LIN7A: variants seen among roughly 807,000 people sequenced by gnomAD.
The protein encoded by LIN7A is protein lin-7 homolog A.
A neutral mutation model predicts 29.8 loss-of-function variants in LIN7A; 25 were observed. That is an observed-to-expected ratio of 0.84 (90% CI 0.61 to 1.17). The LOEUF (loss-of-function observed/expected upper bound fraction) is 1.17. Among genes scored for constraint, LIN7A ranks in the 50% most tolerant of loss-of-function variants. The pLI, the probability that LIN7A is intolerant of heterozygous loss-of-function variation, is 0.00. For missense variants in LIN7A, 239 were observed against 287.0 expected, an observed-to-expected ratio of 0.83 and a Z score of 1.21; for synonymous variants, 118 against 107.5, an observed-to-expected ratio of 1.10 and a Z score of -0.60.
At chr12:80,860,212 T>A (rs1405697132) in intron 2 of LIN7A, among the ~76,000 whole-genome samples, 2 of 152,166 alleles carry the variant, frequency 1.3e-5, no homozygotes, top group Non-Finnish European at 2.9e-5. Flanking sequence ...ACCCCTTTGG[T>A]AGAGTTTTGG....
intron 1 of LIN7A, among the ~76,000 whole-genome samples, chr12:80,908,976 T>C (rs1444205152): frequency 6.6e-6 from 1 of 152,158 alleles, no homozygotes; most frequent in Non-Finnish European, 1.5e-5. Flanking sequence ...AGACTAATAC[T>C]TTTTAATTTA....
chr12:80,897,947 CT>C (rs1156992832), intron 1 of LIN7A, among the ~76,000 whole-genome samples: 1 of 152,060 alleles, frequency 6.6e-6, no homozygotes, highest in African/African-American at 2.4e-5. Flanking sequence ...TTGATAGTTT[CT>C]TTTGCTGTGC....
intron 2 of LIN7A, 97 bp from the exon 3 acceptor site, chr12:80,848,419 A>C: frequency 1.1e-6 from 1 of 892,782 alleles, no homozygotes; most frequent in Non-Finnish European, 1.8e-6. Flanking sequence ...GTAGGAAAAA[A>C]ATTCTCTATT....
Position 80,796,678 on chromosome 12 carries a change from T to C in LIN7A, c.*1049A>G, listed in dbSNP as rs1870463932. ...TATTTGGGGAAATTGACCTAAACTT[T>C]GTGTGACACAAATATTTGAATATAT... On this transcript the variant is annotated 3_prime_UTR_variant, in exon 6 of 6. Coordinates refer to ENST00000552864, the MANE Select transcript of LIN7A (RefSeq NM_004664.4). 6.6e-6 allele frequency: 1 copy of C among 152,186 alleles called. No homozygotes were observed. The highest frequency in any genetic ancestry group is 2.4e-5 in the African/African-American group (1 of 41,460). 9.4% of individuals were successfully genotyped at this position (152,186 alleles called of 1,614,324 possible).
intron 4 of LIN7A, among the ~76,000 whole-genome samples, chr12:80,817,036 G>A (rs935378069): frequency 2.0e-5 from 3 of 152,172 alleles, no homozygotes; most frequent in African/African-American, 7.2e-5. Flanking sequence ...GCAAAGTGCT[G>A]GGTTTACAGG....
At chr12:80,905,999 G>A (rs1443632604) in intron 1 of LIN7A, among the ~76,000 whole-genome samples, 2 of 152,010 alleles carry the variant, frequency 1.3e-5, no homozygotes, top group African/African-American at 2.4e-5. Context: ...TCATAAAGAT[G>A]GGAAGTCCTC....
chr12:80,934,459 T>C lies in LIN7A; in HGVS notation c.82+3182A>G, dbSNP rs112815143. The stretch of plus-strand genomic sequence containing the variant: ...AATCTGTAATCACCTTGTTCATCCT[T>C]TTGGGGCCCAGCCTAGACCTTGAAA... On this transcript the variant is annotated intron_variant, in intron 1 of 5. Coordinates refer to ENST00000552864, the MANE Select transcript of LIN7A (RefSeq NM_004664.4). 2.1e-3 allele frequency among the ~76,000 whole-genome samples: 325 copies of C among 152,270 alleles called. 2 individuals carry two copies. Among genetic ancestry groups the C allele is most frequent in the Middle Eastern group, 3.4e-3 (1 of 294 alleles).
At chr12:80,899,025 A>G (rs1366739750) in intron 1 of LIN7A, among the ~76,000 whole-genome samples, 2 of 152,150 alleles carry the variant, frequency 1.3e-5, no homozygotes, top group African/African-American at 2.4e-5. Flanking sequence ...TATGTCGAGT[A>G]GGAGTGGTGA....
intron 1 of LIN7A, among the ~76,000 whole-genome samples, chr12:80,889,966 A>G (rs951337389): frequency 3.3e-5 from 5 of 151,988 alleles, no homozygotes; most frequent in African/African-American, 7.3e-5. Context: ...CCTCTGTCCA[A>G]TTGGAATTGT....
chr12:80,876,148 T>C (rs1874691045), intron 2 of LIN7A, among the ~76,000 whole-genome samples: 1 of 151,690 alleles, frequency 6.6e-6, no homozygotes, highest in African/African-American at 2.4e-5. Flanking sequence ...AATTGAAATC[T>C]CCCACTGAGA....
intron 2 of LIN7A, among the ~76,000 whole-genome samples, chr12:80,872,948 G>T (rs537550018): frequency 6.6e-4 from 101 of 152,292 alleles, no homozygotes; most frequent in Non-Finnish European, 1.2e-3. Flanking sequence ...GCACTGTAAG[G>T]TAGAATTCTT....
At chr12:80,931,532 G>A (rs1209621040) in intron 1 of LIN7A, among the ~76,000 whole-genome samples, 1 of 151,898 alleles carries the variant, frequency 6.6e-6, no homozygotes, top group Non-Finnish European at 1.5e-5. Flanking sequence ...TGCCTCCTCG[G>A]GAGGCTGAGG....
intron 2 of LIN7A, among the ~76,000 whole-genome samples, chr12:80,879,986 T>C (rs982099316): frequency 6.6e-6 from 1 of 152,216 alleles, no homozygotes; most frequent in Non-Finnish European, 1.5e-5. Flanking sequence ...CAAGGGAAGA[T>C]GTTTGAATGC....
At chr12:80,822,624 T>C (rs1871862802) in intron 4 of LIN7A, among the ~76,000 whole-genome samples, 1 of 152,150 alleles carries the variant, frequency 6.6e-6, no homozygotes, top group Non-Finnish European at 1.5e-5. Context: ...TATCTCCCAC[T>C]GGGACCCTTC....
intron 2 of LIN7A, among the ~76,000 whole-genome samples, chr12:80,869,665 G>C (rs1165761856): frequency 1.3e-5 from 2 of 151,916 alleles, no homozygotes; most frequent in Non-Finnish European, 2.9e-5. Flanking sequence ...AGAAATAGAT[G>C]TCCAAAAATA....
intron 1 of LIN7A, among the ~76,000 whole-genome samples, chr12:80,909,690 C>T (rs1215427645): frequency 2.6e-5 from 4 of 152,018 alleles, no homozygotes; most frequent in Admixed American, 2.6e-4. Flanking sequence ...CCCCAAAGGC[C>T]CCACCTCCTA....
chr12:80,818,502 T>A (rs537511809), intron 4 of LIN7A, among the ~76,000 whole-genome samples: 4 of 152,348 alleles, frequency 2.6e-5, no homozygotes, highest in Non-Finnish European at 5.9e-5. Flanking sequence ...GAGCTTTATC[T>A]GTTTCTAGAG....
intron 4 of LIN7A, among the ~76,000 whole-genome samples, chr12:80,821,272 T>C (rs1173709289): frequency 2.0e-5 from 3 of 152,132 alleles, no homozygotes; most frequent in Non-Finnish European, 1.5e-5. Context: ...TAGGGACTGT[T>C]CCAGTTTTAG....
Position 80,793,371 on chromosome 12 carries a change from T to A in LIN7A, c.*4356A>T, listed in dbSNP as rs1026349717. ...TGGTTTATAGATAAACTAAGCAGCA[T>A]TTTTGAGCAGTGGTTTTAGAAAAGC... On this transcript the variant is annotated 3_prime_UTR_variant, in exon 6 of 6. Transcript: ENST00000552864. 1.5e-4 allele frequency: 23 copies of A among 152,202 alleles called. No individual in the cohort carries two copies. The highest frequency in any genetic ancestry group is 5.3e-4 in the African/African-American group (22 of 41,464). 9.4% of individuals were successfully genotyped at this position (152,202 alleles called of 1,614,324 possible). A position where few individuals can be genotyped will look rare whatever the true frequency, so the allele number is the denominator to read the frequency against.
Sources: allele counts gnomAD v4.1 joint callset (sites outside exome capture counted in the v4.1 genomes callset), GRCh38; gene constraint gnomAD v4.1.1; transcripts MANE v1.5; gene names NCBI Gene and HGNC (gene_info 2026-07-23, HGNC 2026-07-21).